Variants in DACH1 observed in about 807,000 individuals in gnomAD.
The protein encoded by DACH1 is dachshund family transcription factor 1.
A neutral mutation model predicts 54.2 loss-of-function variants in DACH1; 12 were observed. The observed-to-expected ratio is 0.22, with a 90% CI of 0.14 to 0.36. The LOEUF is 0.36. Ranked by LOEUF, DACH1 falls within the 10% of genes least tolerant of loss-of-function variation. The pLI, the probability that DACH1 is intolerant of heterozygous loss-of-function variation, is 1.00. For synonymous variants in DACH1, 386 were observed against 366.2 expected, an observed-to-expected ratio of 1.05 and a Z score of -0.62; for missense variants, 805 against 929.8, an observed-to-expected ratio of 0.87 and a Z score of 1.75.
intron 3 of DACH1, among the ~76,000 whole-genome samples, chr13:71,624,621 C>A (rs988485626): frequency 3.6e-4 from 54 of 151,706 alleles, no homozygotes; most frequent in Non-Finnish European, 1.6e-4. Context: ...AACAAACAAA[C>A]AAAAAAACTT....
chr13:71,479,286 T>C lies in DACH1; in HGVS notation c.1753A>G (p.Arg585Gly). 3 of 1,613,578 alleles carry C rather than the reference T, an allele frequency of 1.9e-6. No homozygotes were observed. Among genetic ancestry groups the C allele is most frequent in the Non-Finnish European group, 2.5e-6 (3 of 1,179,766 alleles). The change falls in exon 8 of 11, where the codon AGA (arginine) becomes GGA (glycine). Residue 585 changes from arginine (R) to glycine (G), a missense_variant. By Grantham distance (125) the Arg-to-Gly change is moderately radical (BLOSUM62 -2). Around this residue, in one of 3 missense-constraint regions of DACH1, gnomAD observed 472 missense variants for 545.3 expected, o/e 0.87. Coordinates refer to ENST00000613252, the MANE Select transcript of DACH1 (RefSeq NM_080759.6). ...GLLKVAIDNA[R>G]AQEKQVQLEK... The stretch of plus-strand genomic sequence containing the variant: ...AGTTGGACCTGTTTCTCTTGAGCTC[T>C]GGCATTATCTATGGCAACTTTCAAC...
chr13:71,851,709 T>C (rs928175202), intron 1 of DACH1, among the ~76,000 whole-genome samples: 1 of 152,090 alleles, frequency 6.6e-6, no homozygotes, highest in Non-Finnish European at 1.5e-5. Context: ...CCCACCCCAA[T>C]ATTGCTAGAT....
At chr13:71,610,204 G>A (rs1172002562) in intron 3 of DACH1, among the ~76,000 whole-genome samples, 1 of 151,754 alleles carries the variant, frequency 6.6e-6, no homozygotes, top group Non-Finnish European at 1.5e-5. Flanking sequence ...CCACTAAATA[G>A]AACTAGAATA....
chr13:71,445,868 C>T (rs1046333062), intron 10 of DACH1, among the ~76,000 whole-genome samples: 4 of 152,202 alleles, frequency 2.6e-5, no homozygotes, highest in Non-Finnish European at 5.9e-5. Context: ...GTGGTTCTAA[C>T]TCAGCCTTCT....
At chr13:71,508,832 G>A (rs1316875078) in intron 6 of DACH1, among the ~76,000 whole-genome samples, 3 of 151,926 alleles carry the variant, frequency 2.0e-5, no homozygotes, top group Admixed American at 2.0e-4. Flanking sequence ...CTCACCCTAA[G>A]CATATTAAAA....
rs190397546 is a variant in DACH1 at position 71,635,959 on chromosome 13, T to A, written c.965-5242A>T. 6.8e-3 allele frequency among the ~76,000 whole-genome samples: 1,041 copies of A among 152,178 alleles called. 5 individuals carry two copies. The highest frequency in any genetic ancestry group is 0.014 in the Middle Eastern group (4 of 294). ...CCAGGTCTGGCTAATTTTTGGGGTA[T>A]TTTTAGTAGAGATGGGGTTTCACCA... On this transcript the variant is annotated intron_variant, in intron 2 of 10. Coordinates refer to ENST00000613252, the MANE Select transcript of DACH1 (RefSeq NM_080759.6).
chr13:71,752,117 A>C (rs558027060), intron 1 of DACH1, among the ~76,000 whole-genome samples: 1 of 152,304 alleles, frequency 6.6e-6, no homozygotes, highest in South Asian at 2.1e-4. Flanking sequence ...ACAGCAAATA[A>C]GTGGACATTT....
chr13:71,663,083 C>G (rs772701758), intron 2 of DACH1, among the ~76,000 whole-genome samples: 1 of 151,428 alleles, frequency 6.6e-6, no homozygotes, highest in Non-Finnish European at 1.5e-5. Context: ...TTTTCTGCAA[C>G]AAGAAGATAC....
chr13:71,506,047 GA>G (rs1347691672), intron 6 of DACH1, among the ~76,000 whole-genome samples: 1 of 150,960 alleles, frequency 6.6e-6, no homozygotes, highest in African/African-American at 2.4e-5. Context: ...TTCTACATTA[GA>G]AAAATTTAAA....
chr13:71,621,489 A>G (rs1876233083), intron 3 of DACH1, among the ~76,000 whole-genome samples: 1 of 152,048 alleles, frequency 6.6e-6, no homozygotes, highest in Non-Finnish European at 1.5e-5. Context: ...TCCATTCGCT[A>G]TTAGGTGCTT....
In DACH1 at chr13:71,440,460, G is replaced by T; in HGVS notation, c.*195C>A. The stretch of plus-strand genomic sequence containing the variant: ...ATTTACAAACATTCTCAGGTCTCTG[G>T]TATGAACCACAGGTGAAAATCAATG... On this transcript the variant is annotated 3_prime_UTR_variant, in exon 11 of 11. Coordinates refer to ENST00000613252, the MANE Select transcript of DACH1 (RefSeq NM_080759.6). 1 of 514,630 alleles carries T rather than the reference G, an allele frequency of 1.9e-6. No homozygotes were observed. Among genetic ancestry groups the T allele is most frequent in the Non-Finnish European group, 3.4e-6 (1 of 294,200 alleles). The allele number at this position is 514,630 out of a possible 1,614,324, so 31.9% of individuals were successfully genotyped here.
intron 1 of DACH1, among the ~76,000 whole-genome samples, chr13:71,797,331 C>A (rs560507024): frequency 4.4e-4 from 67 of 151,860 alleles, no homozygotes; most frequent in Middle Eastern, 3.4e-3. Flanking sequence ...GTGATGTGAT[C>A]AAAAAAATTA....
intron 1 of DACH1, among the ~76,000 whole-genome samples, chr13:71,850,428 G>T (rs1873582032): frequency 6.6e-6 from 1 of 152,090 alleles, no homozygotes; most frequent in African/African-American, 2.4e-5. Context: ...CTTGATAGAA[G>T]ATTCCTCCCT....
chr13:71,657,413 G>A (rs1345125262), intron 2 of DACH1, among the ~76,000 whole-genome samples: 2 of 151,828 alleles, frequency 1.3e-5, no homozygotes, highest in South Asian at 2.1e-4. Flanking sequence ...GATTGCTAGA[G>A]CCCAAAAGGT....
chr13:71,513,513 G>A (rs1880937351), intron 6 of DACH1, among the ~76,000 whole-genome samples: 2 of 151,942 alleles, frequency 1.3e-5, no homozygotes, highest in African/African-American at 4.8e-5. Context: ...ATATTTATTT[G>A]TTTAGATTCA....
At chr13:71,485,371 T>G (rs1878398385) in intron 7 of DACH1, among the ~76,000 whole-genome samples, 1 of 151,298 alleles carries the variant, frequency 6.6e-6, no homozygotes, top group Admixed American at 6.6e-5. Flanking sequence ...CCATTATCAC[T>G]TTTAATTTCT....
chr13:71,833,986 A>C (rs1328782171), intron 1 of DACH1, among the ~76,000 whole-genome samples: 1 of 152,040 alleles, frequency 6.6e-6, no homozygotes, highest in Non-Finnish European at 1.5e-5. Context: ...AGTAATTTTG[A>C]AATGATGATG....
chr13:71,736,421 C>G (rs1244828941), intron 1 of DACH1, among the ~76,000 whole-genome samples: 1 of 151,888 alleles, frequency 6.6e-6, no homozygotes, highest in Non-Finnish European at 1.5e-5. Flanking sequence ...AAAAAGACAC[C>G]TGATAAAGCA....
intron 1 of DACH1, among the ~76,000 whole-genome samples, chr13:71,782,653 C>G (rs1371911165): frequency 1.3e-5 from 2 of 152,108 alleles, no homozygotes; most frequent in Non-Finnish European, 2.9e-5. Flanking sequence ...TCTTAGTCAT[C>G]AGCATCCATT....
Sources: allele counts gnomAD v4.1 joint callset (sites outside exome capture counted in the v4.1 genomes callset), GRCh38; gene constraint gnomAD v4.1.1; regional missense constraint gnomAD v4.1.1; transcripts MANE v1.5; gene names NCBI Gene and HGNC (gene_info 2026-07-23, HGNC 2026-07-21).